DNAH7: variants seen among roughly 807,000 people sequenced by gnomAD.
The protein encoded by DNAH7 is axonemal beta dynein heavy chain 7.
Under a neutral mutation model 444.6 loss-of-function variants are expected in DNAH7, and 397 were observed. That is an observed-to-expected ratio of 0.89 (90% confidence interval 0.82 to 0.97). DNAH7 has a LOEUF of 0.97. Ranked by LOEUF, DNAH7 falls within the 50% of genes least tolerant of loss-of-function variation. The pLI is 0.00. For synonymous variants in DNAH7, 1,636 were observed against 1,624.4 expected, an observed-to-expected ratio of 1.01 and a Z score of -0.17; for missense variants, 4,902 against 4,800.8, an observed-to-expected ratio of 1.02 and a Z score of -0.62.
chr2:195,961,021 T>A, intron 17 of DNAH7, 76 bp from the exon 18 acceptor site: 1 of 1,253,726 alleles, frequency 8.0e-7, no homozygotes, highest in Non-Finnish European at 1.0e-6. Context: ...TTTAAATATC[T>A]ATTTCAAATG....
rs1697191402 is a variant in DNAH7 at position 196,047,263 on chromosome 2, G to A, written c.398+89C>T. The A allele has an allele frequency of 2.5e-6, 3 of 1,223,106 alleles. No homozygotes were observed. In the East Asian group the frequency reaches 7.6e-5, roughly 31 times the overall value. 75.8% of individuals were successfully genotyped at this position (1,223,106 alleles called of 1,614,324 possible). A position where few individuals can be genotyped will look rare whatever the true frequency, so the allele number is the denominator to read the frequency against. On this transcript the variant is annotated intron_variant, in intron 5 of 64. Coordinates refer to ENST00000312428, the MANE Select transcript of DNAH7 (RefSeq NM_018897.3). Reference sequence around the variant, plus strand: ...CCAACAAGCCTTTGAGGCACCCTTAGAGATGCACAGAATTCTAATATTCTT... The same window carrying A: ...CCAACAAGCCTTTGAGGCACCCTTAAAGATGCACAGAATTCTAATATTCTT...
intron 21 of DNAH7, among the ~76,000 whole-genome samples, chr2:195,930,909 G>C (rs556580526): frequency 6.6e-6 from 1 of 152,006 alleles, no homozygotes; most frequent in Non-Finnish European, 1.5e-5. Context: ...CATCCTAAGC[G>C]AATTAACACA....
intron 1 of DNAH7, among the ~76,000 whole-genome samples, chr2:196,059,393 T>G (rs1054322815): frequency 6.6e-6 from 1 of 152,220 alleles, no homozygotes; most frequent in Non-Finnish European, 1.5e-5. Flanking sequence ...ATATGAGTTG[T>G]GCTTCTGGCC....
At chr2:196,067,045 G>A (rs933137749) in intron 1 of DNAH7, among the ~76,000 whole-genome samples, 2 of 152,154 alleles carry the variant, frequency 1.3e-5, no homozygotes, top group African/African-American at 2.4e-5. Flanking sequence ...TTAAGATCCC[G>A]CTGCCTCTTC....
At chr2:195,998,602 C>A (rs1193781416) in intron 12 of DNAH7, among the ~76,000 whole-genome samples, 4 of 151,536 alleles carry the variant, frequency 2.6e-5, no homozygotes, top group Non-Finnish European at 4.4e-5. Flanking sequence ...CTTCACTTGA[C>A]CTTTGTCTAC....
chr2:195,834,469 T>C, intron 47 of DNAH7, 109 bp from the exon 48 acceptor site: 1 of 1,225,328 alleles, frequency 8.2e-7, no homozygotes, highest in Non-Finnish European at 1.1e-6. Flanking sequence ...TTTATTGTAA[T>C]ATTTTACTTT....
chr2:195,912,102 T>C (rs1157362458), intron 24 of DNAH7, among the ~76,000 whole-genome samples: 1 of 152,178 alleles, frequency 6.6e-6, no homozygotes, highest in Non-Finnish European at 1.5e-5. Context: ...ATATAAAAGT[T>C]AGATAAGAAG....
Position 196,066,779 on chromosome 2 carries a change from GCTCA to G in DNAH7, c.15+1914_15+1917del, listed in dbSNP as rs149793826. Among the ~76,000 whole-genome samples, 282 of 152,216 alleles carry G rather than the reference GCTCA, an allele frequency of 1.9e-3. 1 individual carries two copies. The highest frequency in any genetic ancestry group is 6.5e-3 in the African/African-American group (268 of 41,530). On this transcript the variant is annotated intron_variant, in intron 1 of 64. Coordinates refer to ENST00000312428, the MANE Select transcript of DNAH7 (RefSeq NM_018897.3). Reference sequence around the variant, plus strand: ...TTCAGCAAATACGATTTTACCACCTGCTCACTTTCTCAAACTGAATGAATATACA... The same window carrying G: ...TTCAGCAAATACGATTTTACCACCTGCTTTCTCAAACTGAATGAATATACA...
chr2:195,903,577 T>G (rs570436184), intron 27 of DNAH7: 1 of 152,250 alleles, frequency 6.6e-6, no homozygotes, highest in East Asian at 1.9e-4. Flanking sequence ...AAAGTGAAGA[T>G]GTATTTAATA....
intron 19 of DNAH7, among the ~76,000 whole-genome samples, chr2:195,956,138 C>T (rs577312315): frequency 2.9e-3 from 441 of 152,038 alleles, no homozygotes; most frequent in African/African-American, 1.0e-2. Context: ...ATCAATATTT[C>T]GGATTATAGT....
chr2:195,747,175 C>T (rs13382398), intron 63 of DNAH7, among the ~76,000 whole-genome samples: 3,513 of 151,516 alleles, frequency 0.023, 59 homozygotes, highest in Non-Finnish European at 0.031. Context: ...ATATCACCAC[C>T]GATCCCACAG....
chr2:195,914,069 C>G (rs1687521719), intron 24 of DNAH7, among the ~76,000 whole-genome samples: 1 of 151,880 alleles, frequency 6.6e-6, no homozygotes, highest in Non-Finnish European at 1.5e-5. Flanking sequence ...AATTTCCATT[C>G]CCCTATGAAT....
intron 1 of DNAH7, 179 bp downstream of exon 1, chr2:196,068,518 A>C: frequency 1.2e-4 from 89 of 728,542 alleles, no homozygotes; most frequent in Non-Finnish European, 1.6e-4. Flanking sequence ...TGGGAAGGGA[A>C]CTTATAAGGG....
intron 49 of DNAH7, among the ~76,000 whole-genome samples, chr2:195,820,033 G>A (rs1229527147): frequency 6.6e-6 from 1 of 152,148 alleles, no homozygotes; most frequent in Non-Finnish European, 1.5e-5. Context: ...AGCAAAGCAC[G>A]TTTAGAGGAA....
In DNAH7 at chr2:195,809,817, C is replaced by A; in HGVS notation, c.9816G>T (p.Arg3272=). The A allele has an allele frequency of 6.3e-7, 1 of 1,597,810 alleles. No homozygotes were observed. ...GCAGCTTATCCTTTTCAAAGAGTGA[C>A]CGGCAGACATTAACATACAGTGAAT... ...FTYSLYVNVC[R]SLFEKDKLLF... Residue 3272 remains arginine, a synonymous_variant, in exon 52 of 65, where the codon CGG becomes CGT. Coordinates refer to ENST00000312428, the MANE Select transcript of DNAH7 (RefSeq NM_018897.3).
At position 195,834,141 on chromosome 2, in the gene DNAH7, G is replaced by C. The variant is rs1042817810; in HGVS notation, c.9100+65C>G. 10 of 1,501,418 alleles carry C rather than the reference G, an allele frequency of 6.7e-6. No homozygotes were observed. The Middle Eastern group carries it at 7.1e-4, about 107-fold the overall frequency. 93.0% of individuals were successfully genotyped at this position (1,501,418 alleles called of 1,614,324 possible). A position where few individuals can be genotyped will look rare whatever the true frequency, so the allele number is the denominator to read the frequency against. On this transcript the variant is annotated intron_variant, in intron 48 of 64. Transcript: ENST00000312428. Reference sequence around the variant, plus strand: ...AGGATCGCTTGAAACAATCTATACAGTTTTGGGTTAATTGTGCCCTCTCCA... The same window carrying C: ...AGGATCGCTTGAAACAATCTATACACTTTTGGGTTAATTGTGCCCTCTCCA...
chr2:195,740,867 C>A lies in DNAH7; in HGVS notation c.11767G>T (p.Val3923Phe). ...TCCAGAAATAATCCGTGAATGAAAA[C>A]ACCTAAATATAAAAGAAACACATTA... ...KEYKHPPEDG[V>F]FIHGLFLDGA... is the part of the protein sequence containing the mutation. Residue 3923 changes from valine to phenylalanine, a missense_variant and splice_region_variant, in exon 64 of 65, where the codon GTT becomes TTT. Coordinates refer to ENST00000312428, the MANE Select transcript of DNAH7 (RefSeq NM_018897.3). 6.5e-7 allele frequency: 1 copy of A among 1,527,100 alleles called. No individual in the cohort carries two copies. Among genetic ancestry groups the A allele is most frequent in the Non-Finnish European group, 8.8e-7 (1 of 1,135,042 alleles). The allele number at this position is 1,527,100 out of a possible 1,614,324, so 94.6% of individuals were successfully genotyped here.
intron 54 of DNAH7, among the ~76,000 whole-genome samples, chr2:195,805,593 G>A (rs1053990839): frequency 6.6e-6 from 1 of 151,982 alleles, no homozygotes; most frequent in Admixed American, 6.6e-5. Flanking sequence ...GACTTTCGTG[G>A]ACCCAAGGTA....
rs754474167 is a variant in DNAH7 at position 195,970,141 on chromosome 2, T to G, written c.2059-47A>C. On this transcript the variant is annotated intron_variant, in intron 16 of 64. Transcript: ENST00000312428. ...TAATATTCTTAAAAGTTAAAACCCC[T>G]TGCTGTCAAAAAATTTTAACATTGT... is the stretch of plus-strand genomic sequence containing the variant. 6.5e-6 allele frequency: 10 copies of G among 1,530,038 alleles called. No homozygotes were observed. In the Admixed American group the frequency reaches 2.3e-4, roughly 35 times the overall value. 94.8% of individuals were successfully genotyped at this position (1,530,038 alleles called of 1,614,324 possible).
Sources: gnomAD v4.1 joint callset for allele counts (sites outside exome capture counted in the v4.1 genomes callset) on GRCh38, gnomAD v4.1.1 for gene constraint, MANE v1.5 for transcripts, NCBI Gene and HGNC (gene_info 2026-07-23, HGNC 2026-07-21) for gene names.